SMAP1: variants seen among roughly 807,000 people sequenced by gnomAD.
SMAP1 encodes the protein stromal membrane-associated protein 1.
SMAP1 carries 24 observed loss-of-function variants against 58.5 expected under a neutral mutation model. That is an observed-to-expected ratio of 0.41 (90% CI 0.30 to 0.58). SMAP1 has a LOEUF of 0.58. SMAP1 is among the 20% of genes least tolerant of loss of function. The probability of loss-of-function intolerance (pLI) is 0.29; values close to 1 mark genes in which losing one functional copy is unlikely to be tolerated. For missense variants in SMAP1, 563 were observed against 566.3 expected, an observed-to-expected ratio of 0.99 and a Z score of 0.06; for synonymous variants, 216 against 196.6, an observed-to-expected ratio of 1.10 and a Z score of -0.82.
At chr6:70,671,095 G>A (rs1581971279) in intron 1 of SMAP1, among the ~76,000 whole-genome samples, 1 of 152,210 alleles carries the variant, frequency 6.6e-6, no homozygotes, top group East Asian at 1.9e-4. Context: ...ACTTTAGGGA[G>A]CAGTGAGGAC....
At chr6:70,750,648 A>G (rs1766236111) in intron 2 of SMAP1, among the ~76,000 whole-genome samples, 1 of 152,190 alleles carries the variant, frequency 6.6e-6, no homozygotes, top group East Asian at 1.9e-4. Flanking sequence ...TTGACTTCCA[A>G]GTGATGTGAT....
At chr6:70,801,171 C>A (rs1582215223) in intron 6 of SMAP1, among the ~76,000 whole-genome samples, 1 of 152,306 alleles carries the variant, frequency 6.6e-6, no homozygotes, top group Non-Finnish European at 1.5e-5. Flanking sequence ...ACATCCTCTC[C>A]AACATCTGTT....
chr6:70,702,620 T>TTTCTTC (rs558995384), intron 1 of SMAP1, among the ~76,000 whole-genome samples: 9 of 151,886 alleles, frequency 5.9e-5, no homozygotes, highest in African/African-American at 1.7e-4. Context: ...TCAGCCTTTC[T>TTTCTTC]TTCTTCTTCT....
chr6:70,858,298 T>A, intron 10 of SMAP1, 69 bp downstream of exon 10: 18 of 1,216,220 alleles, frequency 1.5e-5, no homozygotes, highest in Non-Finnish European at 1.7e-5. Flanking sequence ...TTTTTTTTTT[T>A]TTTTTTTTTT....
At chr6:70,819,763 A>C (rs117703222) in intron 6 of SMAP1, among the ~76,000 whole-genome samples, 3,584 of 152,340 alleles carry the variant, frequency 0.024, 52 homozygotes, top group Non-Finnish European at 0.037. Context: ...AAGATTTCGA[A>C]ATAGGTTGCC....
At position 70,836,987 on chromosome 6, in the gene SMAP1, C is replaced by G; in HGVS notation, c.623C>G (p.Pro208Arg). The change falls in exon 7 of 11, where the codon CCT (proline) becomes CGT (arginine). Residue 208 changes from proline to arginine, a missense_variant. Physicochemically the swap from Pro to Arg is moderately radical, Grantham distance 103. Transcript: ENST00000370455. ...CTGGAGCCTAAAAAAAGTACCAGCC[C>G]TAAAAAAGCTGCGGAGCCCACTGTG... ...QQLEPKKSTS[P>R]KKAAEPTVDL... The G allele has an allele frequency of 1.2e-6, 2 of 1,603,824 alleles. No individual in the cohort carries two copies. The highest frequency in any genetic ancestry group is 8.5e-7 in the Non-Finnish European group (1 of 1,175,446).
At chr6:70,764,638 T>G (rs1026501603) in intron 3 of SMAP1, among the ~76,000 whole-genome samples, 9 of 152,196 alleles carry the variant, frequency 5.9e-5, no homozygotes, top group African/African-American at 2.2e-4. Flanking sequence ...CGTTGAGACC[T>G]GCTGCTCAGA....
intron 3 of SMAP1, among the ~76,000 whole-genome samples, chr6:70,772,533 A>T (rs951882789): frequency 7.9e-5 from 12 of 152,188 alleles, no homozygotes; most frequent in African/African-American, 2.7e-4. Context: ...TCATGTCACT[A>T]AAGAGGTTAA....
intron 1 of SMAP1, among the ~76,000 whole-genome samples, chr6:70,728,970 G>T (rs1765297916): frequency 6.6e-6 from 1 of 151,930 alleles, no homozygotes; most frequent in South Asian, 2.1e-4. Flanking sequence ...AATTACTCTT[G>T]ACTTCTTTGG....
intron 3 of SMAP1, among the ~76,000 whole-genome samples, chr6:70,757,744 A>T (rs1239469589): frequency 2.6e-5 from 4 of 152,266 alleles, no homozygotes; most frequent in Non-Finnish European, 4.4e-5. Flanking sequence ...GAAGACATCT[A>T]TGCAGCCAAA....
rs191638661 is a variant in SMAP1 at position 70,685,070 on chromosome 6, G to A, written c.118+16929G>A. Among the ~76,000 whole-genome samples the A allele has an allele frequency of 4.9e-3, 750 of 152,190 alleles. 16 individuals are homozygous for A. The highest frequency in any genetic ancestry group is 0.038 in the Admixed American group (577 of 15,284). ...GGATTAACTGAGCTTGTGAAGTAAT[G>A]TCTGGCACAAAGTAAGGGTTTGATA... On this transcript the variant is annotated intron_variant, in intron 1 of 10. Transcript: ENST00000370455.
At chr6:70,728,128 T>C (rs1765266076) in intron 1 of SMAP1, among the ~76,000 whole-genome samples, 1 of 152,168 alleles carries the variant, frequency 6.6e-6, no homozygotes, top group African/African-American at 2.4e-5. Flanking sequence ...GGTCTGGACA[T>C]GAACTGTCCA....
intron 10 of SMAP1, chr6:70,859,525 G>C (rs1771606760): frequency 2.9e-6 from 2 of 700,472 alleles, no homozygotes; most frequent in Non-Finnish European, 4.7e-6. Context: ...ATTAAATTAA[G>C]AACACAGTCT....
rs61400090 is a variant in SMAP1, at chr6:70,819,328, G to GA, written c.577-17601dup. Reference sequence around the variant, plus strand: ...TACCATGTTTTAATGATGTAAGGGTGAAAAAAAAAAAAGGAACCAGAGTAA... The same window carrying GA: ...TACCATGTTTTAATGATGTAAGGGTGAAAAAAAAAAAAAGGAACCAGAGTAA... On this transcript the variant is annotated intron_variant, in intron 6 of 10. Transcript: ENST00000370455. Among the ~76,000 whole-genome samples the GA allele has an allele frequency of 7.8e-3, 1,116 of 142,790 alleles. 19 individuals carry two copies. Among genetic ancestry groups the GA allele is most frequent in the African/African-American group, 0.027 (1,045 of 38,690 alleles). 93.7% of individuals were successfully genotyped at this position (142,790 alleles called of 152,430 possible).
chr6:70,699,597 T>C (rs1767543445), intron 1 of SMAP1, among the ~76,000 whole-genome samples: 1 of 152,014 alleles, frequency 6.6e-6, no homozygotes, highest in Non-Finnish European at 1.5e-5. Flanking sequence ...TGTGGCTGAG[T>C]TGGCATCCAA....
chr6:70,725,122 T>G, intron 1 of SMAP1, among the ~76,000 whole-genome samples: 1 of 117,894 alleles, frequency 8.5e-6, no homozygotes, highest in East Asian at 2.4e-4. Flanking sequence ...TTTTTTTTTT[T>G]TTTTTTTTTT....
At chr6:70,733,981 C>T (rs1582082758) in intron 2 of SMAP1, among the ~76,000 whole-genome samples, 1 of 148,112 alleles carries the variant, frequency 6.8e-6, no homozygotes, top group South Asian at 2.1e-4. Context: ...GCATAGGTTA[C>T]AAGTACATGG....
intron 1 of SMAP1, among the ~76,000 whole-genome samples, chr6:70,673,175 A>AC (rs1766338238): frequency 6.6e-6 from 1 of 152,312 alleles, no homozygotes; most frequent in South Asian, 2.1e-4. Context: ...GGAGGAGGGA[A>AC]AGTCAGGGAG....
At chr6:70,753,161 C>G (rs1766346930) in intron 2 of SMAP1, among the ~76,000 whole-genome samples, 1 of 151,362 alleles carries the variant, frequency 6.6e-6, no homozygotes, top group Non-Finnish European at 1.5e-5. Context: ...ACTTTACGGA[C>G]CAATAAGAAA....
Sources: gnomAD v4.1 joint callset for allele counts (sites outside exome capture counted in the v4.1 genomes callset) on GRCh38, gnomAD v4.1.1 for gene constraint, MANE v1.5 for transcripts, NCBI Gene and HGNC (gene_info 2026-07-23, HGNC 2026-07-21) for gene names.